The following SETD2 variants were observed in gnomAD, a reference collection of about 807,000 sequenced individuals.
SETD2 encodes histone-lysine N-methyltransferase SETD2.
In SETD2, 31 loss-of-function variants were observed where a neutral mutation model predicts 242.1. The observed-to-expected ratio is 0.13, with a 90% confidence interval of 0.10 to 0.17. SETD2 has a LOEUF of 0.17. Ranked by LOEUF, SETD2 falls within the 10% of genes least tolerant of loss-of-function variation. The probability of loss-of-function intolerance (pLI) is 1.00; values close to 1 mark genes in which losing one functional copy is unlikely to be tolerated. For missense variants in SETD2, 2,481 were observed against 3,046.3 expected (o/e 0.81, Z 4.37); for synonymous variants, 1,006 against 1,066.5 (o/e 0.94, Z 1.11).
chr3:47,143,957 G>A (rs1482745979), intron 1 of SETD2, among the ~76,000 whole-genome samples: 2 of 151,994 alleles, frequency 1.3e-5, no homozygotes, highest in Non-Finnish European at 2.9e-5. Context: ...TGATCTGCCC[G>A]CCTCGGCCTC....
At chr3:47,063,164 T>G (rs1007167038) in intron 13 of SETD2, among the ~76,000 whole-genome samples, 1 of 152,174 alleles carries the variant, frequency 6.6e-6, no homozygotes, top group African/African-American at 2.4e-5. Flanking sequence ...CTATGTAGAT[T>G]TGGTTGACAA....
chr3:47,146,015 CAAAAAAAAAAAA>C (rs1171574770), intron 1 of SETD2, among the ~76,000 whole-genome samples: 3 of 38,678 alleles, frequency 7.8e-5, no homozygotes, highest in African/African-American at 2.8e-4. Flanking sequence ...GACCCTGTCT[CAAAAAAAAAAAA>C]AAAAAAAAAA....
intron 8 of SETD2, 186 bp from the exon 9 acceptor site, chr3:47,098,267 C>G: frequency 2.4e-6 from 1 of 419,142 alleles, no homozygotes; most frequent in Non-Finnish European, 4.1e-6. Context: ...TAAAAATATT[C>G]ATTATTTTTC....
chr3:47,124,244 G>T lies in SETD2; in HGVS notation c.392C>A (p.Ser131Tyr), dbSNP rs1165951113. ...GDTLSTAEES[S>Y]PPKSRVELGK... The stretch of plus-strand genomic sequence containing the variant: ...CAATTCCACCCTTGACTTTGGTGGG[G>T]AAGATTCTTCTGCAGTAGATAAGGT... The change falls in exon 3 of 21, where the codon TCC (serine) becomes TAC (tyrosine). Residue 131 changes from serine to tyrosine, a missense_variant. By Grantham distance (144) the Ser-to-Tyr change is moderately radical (BLOSUM62 -2). Around this residue, in one of 17 missense-constraint regions of SETD2, gnomAD observed 334 missense variants for 374.5 expected, o/e 0.89. Coordinates refer to ENST00000409792, the MANE Select transcript of SETD2 (RefSeq NM_014159.7). 2.6e-6 allele frequency: 4 copies of T among 1,551,712 alleles called. No homozygotes were observed. The highest frequency in any genetic ancestry group is 3.5e-6 in the Non-Finnish European group (4 of 1,146,952).
At chr3:47,039,903 T>G (rs960848699) in intron 17 of SETD2, among the ~76,000 whole-genome samples, 8 of 149,110 alleles carry the variant, frequency 5.4e-5, no homozygotes, top group African/African-American at 2.0e-4. Context: ...AAAAAAAAAG[T>G]TCTGGTTAAA....
chr3:47,026,103 T>C (rs916795223), intron 18 of SETD2, among the ~76,000 whole-genome samples: 3 of 151,874 alleles, frequency 2.0e-5, no homozygotes, highest in African/African-American at 7.3e-5. Context: ...TTAAACAAAT[T>C]TACAAGAAAA....
chr3:47,155,803 C>T (rs906919326), intron 1 of SETD2, among the ~76,000 whole-genome samples: 1 of 152,212 alleles, frequency 6.6e-6, no homozygotes, highest in Non-Finnish European at 1.5e-5. Flanking sequence ...GAGACCCTGT[C>T]TCACACACAC....
intron 12 of SETD2, among the ~76,000 whole-genome samples, chr3:47,077,661 G>A (rs995714021): frequency 7.9e-5 from 12 of 152,026 alleles, no homozygotes; most frequent in African/African-American, 2.4e-5. Context: ...TCCTAGTATC[G>A]ACAACTTCAT....
chr3:47,100,370 C>T (rs1373965352), intron 8 of SETD2, among the ~76,000 whole-genome samples: 2 of 152,164 alleles, frequency 1.3e-5, no homozygotes, highest in African/African-American at 4.8e-5. Flanking sequence ...AAGCTATTCT[C>T]CTGCCTCAGC....
chr3:47,066,511 T>C (rs1421400273), intron 13 of SETD2, among the ~76,000 whole-genome samples: 1 of 152,206 alleles, frequency 6.6e-6, no homozygotes, highest in Middle Eastern at 3.4e-3. Context: ...CACACTTAGC[T>C]AATATTTTTG....
intron 13 of SETD2, among the ~76,000 whole-genome samples, chr3:47,062,700 C>G (rs1187128354): frequency 6.6e-6 from 1 of 152,162 alleles, no homozygotes; most frequent in East Asian, 1.9e-4. Flanking sequence ...AATGTAAAAG[C>G]CTTCAACTAC....
At chr3:47,020,454 C>CTCTA (rs1440527218) in intron 18 of SETD2, among the ~76,000 whole-genome samples, 1 of 152,150 alleles carries the variant, frequency 6.6e-6, no homozygotes, top group African/African-American at 2.4e-5. Context: ...ACAGAAGATA[C>CTCTA]TCTATGTCCC....
At position 47,122,964 on chromosome 3, in the gene SETD2, T is replaced by C. The variant is rs2106691905; in HGVS notation, c.1672A>G (p.Thr558Ala). Residue 558 changes from threonine (T) to alanine (A), a missense_variant, in exon 3 of 21, where the codon ACC (threonine) becomes GCC (alanine). Thr to Ala is a moderately conservative substitution (Grantham distance 58, BLOSUM62 0). Coordinates refer to ENST00000409792, the MANE Select transcript of SETD2 (RefSeq NM_014159.7). The stretch of plus-strand genomic sequence containing the variant: ...GACTTGGGTATAGGTTTTGAAAGGG[T>C]AGATTTATAACGGGAAGCACTACTG... ...HDSSASRYKS[T>A]LSKPIPKSDK... is the part of the protein sequence containing the mutation. 6 of 1,613,862 alleles carry C rather than the reference T, an allele frequency of 3.7e-6. No homozygotes were observed. The highest frequency in any genetic ancestry group is 5.1e-6 in the Non-Finnish European group (6 of 1,179,816).
At chr3:47,022,520 C>T (rs1176795641) in intron 18 of SETD2, among the ~76,000 whole-genome samples, 6 of 152,086 alleles carry the variant, frequency 3.9e-5, no homozygotes, top group African/African-American at 7.2e-5. Context: ...AAAAAAAGCA[C>T]TTTTAAGGAA....
chr3:47,038,557 G>GT (rs2039128137), intron 17 of SETD2, among the ~76,000 whole-genome samples: 1 of 152,136 alleles, frequency 6.6e-6, no homozygotes, highest in Non-Finnish European at 1.5e-5. Flanking sequence ...GGAGGTTGCA[G>GT]TGAGCCAAGA....
intron 18 of SETD2, among the ~76,000 whole-genome samples, chr3:47,027,556 TATA>T (rs2038551015): frequency 6.6e-6 from 1 of 151,692 alleles, no homozygotes; most frequent in South Asian, 2.1e-4. Context: ...AAACTTAAAG[TATA>T]ATAATAATAA....
At chr3:47,105,766 G>A in intron 6 of SETD2, 1 of 456,518 alleles carries the variant, frequency 2.2e-6, no homozygotes, top group Admixed American at 3.1e-5. Context: ...AGCAAGGCGT[G>A]GTGGCGGGCG....
intron 17 of SETD2, among the ~76,000 whole-genome samples, chr3:47,040,635 C>T (rs1399014783): frequency 2.3e-5 from 3 of 128,422 alleles, no homozygotes; most frequent in Non-Finnish European, 3.1e-5. Flanking sequence ...AATGCAGTGG[C>T]GCAATCATGG....
intron 16 of SETD2, among the ~76,000 whole-genome samples, chr3:47,045,872 T>TTCACGCCA (rs1191591378): frequency 1.4e-5 from 2 of 147,586 alleles, no homozygotes; most frequent in Non-Finnish European, 3.0e-5. Context: ...GCCTCCCAGG[T>TTCACGCCA]TCACGCCATT....
Sources: gnomAD v4.1 joint callset for allele counts (sites outside exome capture counted in the v4.1 genomes callset) on GRCh38, gnomAD v4.1.1 for gene constraint, gnomAD v4.1.1 regional missense constraint, MANE v1.5 for transcripts, NCBI Gene and HGNC (gene_info 2026-07-23, HGNC 2026-07-21) for gene names.